Variants in ESF1 observed in about 807,000 individuals in gnomAD.
ESF1 encodes ESF1 homolog.
A neutral mutation model predicts 92.0 loss-of-function variants in ESF1; 58 were observed. The observed-to-expected ratio is 0.63, with a 90% confidence interval of 0.51 to 0.78. ESF1 has a LOEUF of 0.78. ESF1 is among the 30% of genes least tolerant of loss of function. The pLI is 0.00. For synonymous variants in ESF1, 321 were observed against 313.7 expected, an observed-to-expected ratio of 1.02 and a Z score of -0.24; for missense variants, 922 against 989.1, an observed-to-expected ratio of 0.93 and a Z score of 0.91.
At chr20:13,770,738 CA>C (rs933138390) in intron 6 of ESF1, among the ~76,000 whole-genome samples, 1 of 152,132 alleles carries the variant, frequency 6.6e-6, no homozygotes, top group Non-Finnish European at 1.5e-5. Flanking sequence ...TCACTGAAAA[CA>C]AGGGAAAGCT....
Position 13,728,376 on chromosome 20 carries a change from A to C in ESF1, c.2038+2T>G. ...GAAAACTACAGATATGAGCTGGCTT[A>C]CCTATTTGTTTAACTTCTTCAGCAA... is the stretch of plus-strand genomic sequence containing the variant. On this transcript the variant is annotated splice_donor_variant, in intron 11 of 13. Transcript: ENST00000617257. LOFTEE classifies it high-confidence loss of function. The C allele has an allele frequency of 6.2e-7, 1 of 1,609,714 alleles. No individual in the cohort carries two copies. The highest frequency in any genetic ancestry group is 8.5e-7 in the Non-Finnish European group (1 of 1,177,640).
chr20:13,751,107 C>T (rs562869001), intron 9 of ESF1, among the ~76,000 whole-genome samples: 39 of 152,338 alleles, frequency 2.6e-4, no homozygotes, highest in African/African-American at 8.9e-4. Flanking sequence ...TACAGCATAA[C>T]ATCAGGGCCC....
chr20:13,736,853 A>AT lies in ESF1; in HGVS notation c.1829-3012dup, dbSNP rs967407204. Among the ~76,000 whole-genome samples the AT allele has an allele frequency of 2.6e-4, 40 of 151,620 alleles. No individual in the cohort carries two copies. The South Asian group carries it at 3.3e-3, about 13-fold the overall frequency. On this transcript the variant is annotated intron_variant, in intron 9 of 13. Transcript: ENST00000617257. ...TATCTTCAGTTTAATACAGTCTGTAATTTTTTTTTGCCTGGCTCTCACTTA... is the reference window on the plus strand; with the variant it reads ...TATCTTCAGTTTAATACAGTCTGTAATTTTTTTTTTGCCTGGCTCTCACTTA...
intron 9 of ESF1, among the ~76,000 whole-genome samples, chr20:13,759,459 A>G (rs1252647348): frequency 6.6e-6 from 1 of 152,198 alleles, no homozygotes; most frequent in Non-Finnish European, 1.5e-5. Flanking sequence ...GCTCAAACCT[A>G]GGAAAAGCTA....
intron 7 of ESF1, among the ~76,000 whole-genome samples, chr20:13,769,232 C>T (rs114485573): frequency 0.016 from 2,469 of 151,848 alleles, 72 homozygotes; most frequent in African/African-American, 0.055. Context: ...TTTAACTGTG[C>T]GGGGAGGTAA....
Position 13,714,880 on chromosome 20 carries a change from G to A in ESF1, c.2550C>T (p.Val850=). 1 of 1,594,822 alleles carries A rather than the reference G, an allele frequency of 6.3e-7. No homozygotes were observed. The highest frequency in any genetic ancestry group is 8.5e-7 in the Non-Finnish European group (1 of 1,172,766). Residue 850 remains valine, a synonymous_variant, in exon 14 of 14, where the codon GTC becomes GTT. Transcript: ENST00000617257. ...EQFQARKKQK[V]K ...AAAAATAAGTAACATCCAGTTATTT[G>A]ACTTTTTGCTTTTTTCTTGCTTGAA... is the stretch of plus-strand genomic sequence containing the variant.
intron 2 of ESF1, among the ~76,000 whole-genome samples, chr20:13,780,602 GACCTCTTGGCCTATCAAA>G (rs532469002): frequency 0.073 from 11,087 of 152,132 alleles, 440 homozygotes; most frequent in Non-Finnish European, 0.087. Flanking sequence ...TGCTTATCAA[GACCTCTTGGCCTATCAAA>G]ACCTCTTGGC....
chr20:13,716,492 C>T (rs1030414652), intron 13 of ESF1, among the ~76,000 whole-genome samples: 6 of 152,072 alleles, frequency 3.9e-5, no homozygotes, highest in African/African-American at 1.2e-4. Flanking sequence ...TACAATATGG[C>T]TACCAAAATA....
At chr20:13,717,109 G>A (rs935649237) in intron 13 of ESF1, among the ~76,000 whole-genome samples, 14 of 151,698 alleles carry the variant, frequency 9.2e-5, no homozygotes, top group Admixed American at 5.3e-4. Context: ...GAGCCACCAC[G>A]CCCAGCCAGC....
intron 12 of ESF1, 146 bp from the exon 13 acceptor site, chr20:13,717,660 CTG>C (rs1283402555): frequency 3.8e-6 from 3 of 781,026 alleles, no homozygotes; most frequent in African/African-American, 3.5e-5. Flanking sequence ...TGTAAACTGA[CTG>C]TGGATTACCA....
At chr20:13,772,812 C>G (rs1052362748) in intron 4 of ESF1, among the ~76,000 whole-genome samples, 197 bp from the exon 5 acceptor site, 6 of 152,042 alleles carry the variant, frequency 3.9e-5, no homozygotes, top group Admixed American at 2.6e-4. Flanking sequence ...TGGCTAGAGA[C>G]TAACAAGATA....
chr20:13,759,881 A>C, intron 8 of ESF1, 28 bp from the exon 9 acceptor site: 1 of 1,564,972 alleles, frequency 6.4e-7, no homozygotes, highest in Non-Finnish European at 8.6e-7. Context: ...CACTTAATAC[A>C]CAGAAACAAT....
intron 11 of ESF1, among the ~76,000 whole-genome samples, chr20:13,724,924 C>G (rs6042319): frequency 0.59 from 89,906 of 151,988 alleles, 27,007 homozygotes; most frequent in East Asian, 0.85. Flanking sequence ...TGTGGCTCAG[C>G]TGGTTCTCTC....
chr20:13,779,900 G>A (rs1980103510), intron 2 of ESF1, among the ~76,000 whole-genome samples: 1 of 152,128 alleles, frequency 6.6e-6, no homozygotes, highest in African/African-American at 2.4e-5. Context: ...AATTATTTAT[G>A]TAAAATAGAT....
chr20:13,777,829 T>G (rs1980012923), intron 2 of ESF1, among the ~76,000 whole-genome samples: 1 of 152,218 alleles, frequency 6.6e-6, no homozygotes, highest in African/African-American at 2.4e-5. Context: ...GCTCTAAGTT[T>G]GGAAAATTAA....
chr20:13,730,353 C>T (rs929815308), intron 10 of ESF1, among the ~76,000 whole-genome samples: 4 of 149,420 alleles, frequency 2.7e-5, no homozygotes, highest in East Asian at 4.0e-4. Flanking sequence ...GGATTACAGG[C>T]GTGAACCAAC....
intron 12 of ESF1, among the ~76,000 whole-genome samples, chr20:13,717,795 T>C (rs1345745570): frequency 6.6e-6 from 1 of 152,242 alleles, no homozygotes; most frequent in Non-Finnish European, 1.5e-5. Flanking sequence ...GACTCATTAG[T>C]AGGCTGCAGG....
chr20:13,772,895 C>A (rs1260541036), intron 4 of ESF1, among the ~76,000 whole-genome samples: 1 of 151,756 alleles, frequency 6.6e-6, no homozygotes, highest in Non-Finnish European at 1.5e-5. Context: ...GAGATCCAAA[C>A]GAAAAATTAA....
At position 13,782,625 on chromosome 20, in the gene ESF1, A is replaced by G; in HGVS notation, c.516T>C (p.Ile172=). 1.9e-6 allele frequency: 3 copies of G among 1,607,866 alleles called. No individual in the cohort carries two copies. The highest frequency in any genetic ancestry group is 4.5e-5 in the East Asian group (2 of 44,702). The part of the protein sequence containing the change: ...TQKNKKEKKN[I]VQHTTDSSLE... ...GAGAAGAGTCTGTAGTATGTTGAACAATGTTTTTTTTCTCTTTCTTATTTT... is the reference window on the plus strand; with the variant it reads ...GAGAAGAGTCTGTAGTATGTTGAACGATGTTTTTTTTCTCTTTCTTATTTT... Residue 172 remains isoleucine (I), a synonymous_variant, in exon 2 of 14, where the codon ATT becomes ATC. Coordinates refer to ENST00000617257, the MANE Select transcript of ESF1 (RefSeq NM_001276380.2).
Sources: allele counts gnomAD v4.1 joint callset (sites outside exome capture counted in the v4.1 genomes callset), GRCh38; gene constraint gnomAD v4.1.1; transcripts MANE v1.5; gene names NCBI Gene and HGNC (gene_info 2026-07-23, HGNC 2026-07-21).